The following MUC13 variants were observed in gnomAD, a reference collection of about 807,000 sequenced individuals.
MUC13 encodes the protein mucin-13.
Under a neutral mutation model 48.3 loss-of-function variants are expected in MUC13, and 32 were observed. The observed-to-expected ratio is 0.66, with a 90% CI of 0.50 to 0.89. MUC13 has a LOEUF of 0.89. Ranked by LOEUF, MUC13 falls within the 40% of genes least tolerant of loss-of-function variation. The pLI, the probability that MUC13 is intolerant of heterozygous loss-of-function variation, is 0.00. For synonymous variants in MUC13, 199 were observed against 224.9 expected (o/e 0.88, Z 1.03); for missense variants, 571 against 622.8 (o/e 0.92, Z 0.88).
chr3:124,917,285 T>C (rs1041467304), intron 5 of MUC13, among the ~76,000 whole-genome samples: 1 of 152,284 alleles, frequency 6.6e-6, no homozygotes, highest in East Asian at 1.9e-4. Flanking sequence ...GATTTGTCGC[T>C]CTGTGCTTTT....
At position 124,922,236 on chromosome 3, in the gene MUC13, G is replaced by A. The variant is rs1319221790; in HGVS notation, c.705C>T (p.Ser235=). 1 of 1,614,126 alleles carries A rather than the reference G, an allele frequency of 6.2e-7. No individual in the cohort carries two copies. Among genetic ancestry groups the A allele is most frequent in the Non-Finnish European group, 8.5e-7 (1 of 1,180,012 alleles). The part of the protein sequence containing the change: ...SETFDPEEKH[S]MAYQDLHSEI... Reference sequence around the variant, plus strand: ...CACTATGCAAGTCTTGATAGGCCATGGAATGTTTCTCTTCTGGGTCAAATG... The same window carrying A: ...CACTATGCAAGTCTTGATAGGCCATAGAATGTTTCTCTTCTGGGTCAAATG... The change falls in exon 4 of 12, where the codon TCC becomes TCT. Residue 235 remains serine, a synonymous_variant. Transcript: ENST00000616727.
intron 1 of MUC13, among the ~76,000 whole-genome samples, chr3:124,928,966 A>G (rs1180336115): frequency 4.6e-5 from 7 of 152,214 alleles, no homozygotes; most frequent in Non-Finnish European, 4.4e-5. Context: ...TTAAGTGCTT[A>G]TTATACTTCT....
intron 4 of MUC13, among the ~76,000 whole-genome samples, chr3:124,921,308 C>G (rs1935590429): frequency 6.6e-6 from 1 of 152,018 alleles, no homozygotes; most frequent in Non-Finnish European, 1.5e-5. Flanking sequence ...TGCCACCACG[C>G]CTGGCTAAAT....
chr3:124,929,559 A>G (rs1293500646), intron 1 of MUC13, among the ~76,000 whole-genome samples: 1 of 152,234 alleles, frequency 6.6e-6, no homozygotes, highest in East Asian at 1.9e-4. Flanking sequence ...TGGCTAACAT[A>G]GCCATTCAGA....
At chr3:124,921,132 AATGTCTCTCC>A (rs1447294172) in intron 4 of MUC13, among the ~76,000 whole-genome samples, 13 of 150,230 alleles carry the variant, frequency 8.7e-5, no homozygotes, top group Non-Finnish European at 1.9e-4. Flanking sequence ...GCTTTAAAAA[AATGTCTCTCC>A]ATCTCTACTT....
intron 5 of MUC13, among the ~76,000 whole-genome samples, chr3:124,918,530 G>A (rs533611391): frequency 1.3e-5 from 2 of 152,292 alleles, no homozygotes; most frequent in African/African-American, 4.8e-5. Flanking sequence ...TATGTGCCAG[G>A]CACTGCATAC....
chr3:124,933,052 G>T (rs1007275446), intron 1 of MUC13, among the ~76,000 whole-genome samples: 2 of 152,024 alleles, frequency 1.3e-5, no homozygotes, highest in African/African-American at 4.8e-5. Flanking sequence ...TGTCCTGAAG[G>T]CTTGGACCTA....
intron 6 of MUC13, among the ~76,000 whole-genome samples, chr3:124,914,216 C>A (rs1215056658): frequency 6.6e-6 from 1 of 151,874 alleles, no homozygotes; most frequent in Non-Finnish European, 1.5e-5. Flanking sequence ...TTGAGACCAG[C>A]CTGACCAACA....
Position 124,920,653 on chromosome 3 carries a change from T to G in MUC13, c.745-364A>C, listed in dbSNP as rs898614987. Among the ~76,000 whole-genome samples, 4 of 152,192 alleles carry G rather than the reference T, an allele frequency of 2.6e-5. No homozygotes were observed. The East Asian group carries it at 7.7e-4, about 29-fold the overall frequency. ...GACTGAGATCAAGTATCTAATCTGA[T>G]CTCTGAAGACCGGGGCATAAGGCCT... On this transcript the variant is annotated intron_variant, in intron 4 of 11. Transcript: ENST00000616727.
At chr3:124,928,400 A>T (rs964895754) in intron 1 of MUC13, among the ~76,000 whole-genome samples, 4 of 152,204 alleles carry the variant, frequency 2.6e-5, no homozygotes, top group Non-Finnish European at 5.9e-5. Flanking sequence ...TATTTTAGGA[A>T]TAAGGTCTTG....
intron 1 of MUC13, among the ~76,000 whole-genome samples, chr3:124,933,746 G>A (rs1042532468): frequency 1.4e-4 from 21 of 152,110 alleles, no homozygotes; most frequent in Admixed American, 1.3e-3. Flanking sequence ...AGGTTCCTGG[G>A]TACACACATT....
At chr3:124,917,889 A>G (rs1311820995) in intron 5 of MUC13, among the ~76,000 whole-genome samples, 1 of 152,190 alleles carries the variant, frequency 6.6e-6, no homozygotes, top group Non-Finnish European at 1.5e-5. Flanking sequence ...AGCAAATGCC[A>G]TCCATAATTT....
intron 11 of MUC13, 99 bp downstream of exon 11, chr3:124,908,048 C>G: frequency 1.7e-6 from 2 of 1,155,446 alleles, no homozygotes; most frequent in Non-Finnish European, 2.5e-6. Flanking sequence ...AAAAAGAAAG[C>G]CTGCGGGGCA....
At chr3:124,918,473 G>T (rs1935542152) in intron 5 of MUC13, among the ~76,000 whole-genome samples, 1 of 152,310 alleles carries the variant, frequency 6.6e-6, no homozygotes, top group Admixed American at 6.5e-5. Context: ...CCATCACACT[G>T]CAGGGTCCCA....
At chr3:124,910,930 C>T (rs1935410786) in intron 9 of MUC13, among the ~76,000 whole-genome samples, 1 of 152,110 alleles carries the variant, frequency 6.6e-6, no homozygotes, top group Non-Finnish European at 1.5e-5. Context: ...ATAATAACAT[C>T]AATGAGGGAA....
chr3:124,934,742 A>G lies in MUC13; in HGVS notation c.-30T>C. On this transcript the variant is annotated 5_prime_UTR_variant, in exon 1 of 12. Transcript: ENST00000616727. ...GCTGTTCTTGCTTGGTAATCTGAGGAGGAAATGATTTCCCTTCCTGGCTAC... is the reference window on the plus strand; with the variant it reads ...GCTGTTCTTGCTTGGTAATCTGAGGGGGAAATGATTTCCCTTCCTGGCTAC... 1 of 1,568,444 alleles carries G rather than the reference A, an allele frequency of 6.4e-7. No individual in the cohort carries two copies. Among genetic ancestry groups the G allele is most frequent in the Non-Finnish European group, 8.8e-7 (1 of 1,139,332 alleles).
Position 124,908,288 on chromosome 3 carries a change from A to T in MUC13, c.1398T>A (p.Asn466Lys). ...EENLIDEDFQNLKLRSTGFTN... is the reference protein window; with the variant it reads ...EENLIDEDFQKLKLRSTGFTN... Reference sequence around the variant, plus strand: ...TGAAGCCTGTCGACCGCAGTTTTAGATTTTGAAAGTCTTCGTCAATCAAGT... The same window carrying T: ...TGAAGCCTGTCGACCGCAGTTTTAGTTTTTGAAAGTCTTCGTCAATCAAGT... Residue 466 changes from asparagine (N) to lysine (K), a missense_variant, in exon 11 of 12, where the codon AAT becomes AAA. Transcript: ENST00000616727. 3 of 1,614,138 alleles carry T rather than the reference A, an allele frequency of 1.9e-6. No homozygotes were observed. Among genetic ancestry groups the T allele is most frequent in the Non-Finnish European group, 2.5e-6 (3 of 1,180,026 alleles).
chr3:124,918,044 G>T (rs1935536265), intron 5 of MUC13, among the ~76,000 whole-genome samples: 1 of 152,146 alleles, frequency 6.6e-6, no homozygotes, highest in Non-Finnish European at 1.5e-5. Flanking sequence ...AAGACAGGAG[G>T]TCCGGACCCT....
At chr3:124,907,715 G>A (rs551081466) in intron 11 of MUC13, among the ~76,000 whole-genome samples, 157 of 152,138 alleles carry the variant, frequency 1.0e-3, no homozygotes, top group African/African-American at 3.4e-3. Context: ...GAAAGAGAGC[G>A]TTGCCTTTAC....
Sources: gnomAD v4.1 joint callset for allele counts (sites outside exome capture counted in the v4.1 genomes callset) on GRCh38, gnomAD v4.1.1 for gene constraint, MANE v1.5 for transcripts, NCBI Gene and HGNC (gene_info 2026-07-23, HGNC 2026-07-21) for gene names.